QTMAN: variants seen among roughly 807,000 people sequenced by gnomAD.
QTMAN encodes tRNA-queuosine alpha-mannosyltransferase.
chr2:144,056,555 A>T, the QTMAN span, among the ~76,000 whole-genome samples: 1 of 152,252 alleles, frequency 6.6e-6, no homozygotes, highest in South Asian at 2.1e-4. Context: ...GGGGGCAAAG[A>T]TTTTTGTTTT....
At chr2:144,125,583 C>T in the QTMAN span, among the ~76,000 whole-genome samples, 2 of 151,994 alleles carry the variant, frequency 1.3e-5, no homozygotes, top group Non-Finnish European at 2.9e-5. Context: ...TAATTTGTAA[C>T]CATTCTCAGT....
the QTMAN span, among the ~76,000 whole-genome samples, chr2:144,295,740 G>C: frequency 4.0e-5 from 6 of 151,792 alleles, no homozygotes; most frequent in Non-Finnish European, 8.8e-5. Context: ...AGCCTCTCGA[G>C]TAGCTGAGAC....
the QTMAN span, among the ~76,000 whole-genome samples, chr2:144,129,279 A>T: frequency 6.6e-6 from 1 of 151,848 alleles, no homozygotes; most frequent in Non-Finnish European, 1.5e-5. Context: ...AAATGTAAAT[A>T]AATTTAGAGG....
chr2:144,158,087 T>C, the QTMAN span, among the ~76,000 whole-genome samples: 1 of 152,040 alleles, frequency 6.6e-6, no homozygotes, highest in Non-Finnish European at 1.5e-5. Context: ...CCTCCCTTAC[T>C]AGGTTCCCAA....
chr2:144,220,039 G>C, the QTMAN span, among the ~76,000 whole-genome samples: 1 of 152,088 alleles, frequency 6.6e-6, no homozygotes, highest in South Asian at 2.1e-4. Flanking sequence ...GACACGTGCT[G>C]ACAGTTTACA....
the QTMAN span, among the ~76,000 whole-genome samples, chr2:144,228,582 G>A: frequency 2.0e-5 from 3 of 152,192 alleles, no homozygotes; most frequent in African/African-American, 4.8e-5. Context: ...AGAATGGGGG[G>A]AGAGAAAACG....
At chr2:144,281,708 G>T in the QTMAN span, among the ~76,000 whole-genome samples, 2 of 152,116 alleles carry the variant, frequency 1.3e-5, no homozygotes, top group Non-Finnish European at 2.9e-5. Flanking sequence ...CTTATGAGAG[G>T]AACTTAGCAT....
the QTMAN span, among the ~76,000 whole-genome samples, chr2:144,303,010 G>A: frequency 1.3e-5 from 2 of 152,206 alleles, no homozygotes; most frequent in Admixed American, 1.3e-4. Flanking sequence ...GCTGAGGAAG[G>A]AGAATTGCTT....
the QTMAN span, chr2:144,208,696 A>T: frequency 2.2e-5 from 36 of 1,613,712 alleles, no homozygotes; most frequent in Non-Finnish European, 3.0e-5. Flanking sequence ...GGTATAAACG[A>T]CACAGTCTCC....
At chr2:144,055,310 A>AAC in the QTMAN span, among the ~76,000 whole-genome samples, 10 of 147,170 alleles carry the variant, frequency 6.8e-5, no homozygotes, top group Middle Eastern at 3.5e-3. Flanking sequence ...CCTGAAATGG[A>AAC]ACACACACAC....
the QTMAN span, among the ~76,000 whole-genome samples, chr2:144,234,279 A>G: frequency 1.3e-5 from 2 of 152,170 alleles, no homozygotes; most frequent in Non-Finnish European, 2.9e-5. Flanking sequence ...AAGTGAAGCT[A>G]ACACAAATGA....
chr2:143,990,141 A>T, the QTMAN span, among the ~76,000 whole-genome samples: 29 of 152,158 alleles, frequency 1.9e-4, no homozygotes, highest in African/African-American at 6.5e-4. Flanking sequence ...AATTCCTTAA[A>T]AAAAAAAAAA....
the QTMAN span, among the ~76,000 whole-genome samples, chr2:144,169,037 G>A: frequency 4.6e-5 from 7 of 151,990 alleles, no homozygotes; most frequent in African/African-American, 1.7e-4. Context: ...TTTTTTTAAA[G>A]AAATGCTATA....
chr2:144,106,402 T>C, the QTMAN span, among the ~76,000 whole-genome samples: 1 of 151,960 alleles, frequency 6.6e-6, no homozygotes, highest in East Asian at 1.9e-4. Context: ...AATAAAGGGA[T>C]GGAGGAAGAT....
the QTMAN span, among the ~76,000 whole-genome samples, chr2:144,221,338 A>C: frequency 1.3e-5 from 2 of 152,228 alleles, no homozygotes; most frequent in Non-Finnish European, 2.9e-5. Context: ...AAAAACAATC[A>C]AAATATCCTA....
At chr2:144,092,680 G>A in the QTMAN span, among the ~76,000 whole-genome samples, 1 of 152,132 alleles carries the variant, frequency 6.6e-6, no homozygotes, top group Non-Finnish European at 1.5e-5. Context: ...TGGGGAAGGA[G>A]AAGGGAGTCT....
chr2:144,108,456 G>A, the QTMAN span, among the ~76,000 whole-genome samples: 1 of 152,028 alleles, frequency 6.6e-6, no homozygotes, highest in African/African-American at 2.4e-5. Flanking sequence ...TGGCTAACAT[G>A]GTGAAACCCT....
At chr2:144,080,637 A>C in the QTMAN span, among the ~76,000 whole-genome samples, 2 of 152,206 alleles carry the variant, frequency 1.3e-5, no homozygotes, top group African/African-American at 4.8e-5. Flanking sequence ...ATCTATTTGG[A>C]GAAAAATATA....
the QTMAN span, among the ~76,000 whole-genome samples, chr2:143,973,350 T>C: frequency 6.6e-6 from 1 of 152,178 alleles, no homozygotes; most frequent in Non-Finnish European, 1.5e-5. Context: ...CTTCTAAAAA[T>C]TATTACTTAT....
Sources: gnomAD v4.1 joint callset for allele counts (sites outside exome capture counted in the v4.1 genomes callset) on GRCh38, gnomAD v4.1.1 for gene constraint, MANE v1.5 for transcripts, NCBI Gene and HGNC (gene_info 2026-07-23, HGNC 2026-07-21) for gene names.